SAMD3: variants seen among roughly 807,000 people sequenced by gnomAD.
SAMD3 encodes the protein sterile alpha motif domain-containing protein 3.
In SAMD3, 63 loss-of-function variants were observed where a neutral mutation model predicts 58.5. That is an observed-to-expected ratio of 1.08 (90% CI 0.88 to 1.33). SAMD3 has a LOEUF of 1.33. Ranked by LOEUF, SAMD3 falls within the 40% of genes most tolerant of loss-of-function variation. The pLI, the probability that SAMD3 is intolerant of heterozygous loss-of-function variation, is 0.00. For synonymous variants in SAMD3, 220 were observed against 210.3 expected (o/e 1.05, Z -0.40); for missense variants, 604 against 608.4 (o/e 0.99, Z 0.08).
At chr6:130,273,287 G>A (rs913440071) in intron 2 of SAMD3, among the ~76,000 whole-genome samples, 1 of 152,022 alleles carries the variant, frequency 6.6e-6, no homozygotes, top group Non-Finnish European at 1.5e-5. Context: ...AATAAGGTCT[G>A]TTTTGTTTGA....
At chr6:130,232,110 T>C (rs1179530973) in intron 2 of SAMD3, among the ~76,000 whole-genome samples, 1 of 152,128 alleles carries the variant, frequency 6.6e-6, no homozygotes, top group Non-Finnish European at 1.5e-5. Flanking sequence ...CCCAGGAACT[T>C]GTCAGTGTCC....
At chr6:130,315,857 A>C (rs1776345745) in intron 1 of SAMD3, among the ~76,000 whole-genome samples, 1 of 152,186 alleles carries the variant, frequency 6.6e-6, no homozygotes, top group South Asian at 2.1e-4. Flanking sequence ...AGCTCCCCAA[A>C]GTAGGATCCC....
chr6:130,310,446 C>T (rs1351518342), intron 2 of SAMD3, among the ~76,000 whole-genome samples: 4 of 152,086 alleles, frequency 2.6e-5, no homozygotes, highest in African/African-American at 9.7e-5. Context: ...TCTAAAAATA[C>T]TTTTTGGTTA....
intron 8 of SAMD3, among the ~76,000 whole-genome samples, chr6:130,155,929 T>C (rs1448158836): frequency 2.0e-5 from 3 of 152,160 alleles, no homozygotes; most frequent in Non-Finnish European, 4.4e-5. Flanking sequence ...CAAATTTAGT[T>C]GGAAGATAAA....
rs751234827 is a variant in SAMD3 at position 130,214,456 on chromosome 6, A to G, written c.150T>C (p.Ile50=). Residue 50 remains isoleucine, a synonymous_variant, in exon 4 of 12, where the codon ATT becomes ATC. Transcript: ENST00000439090. The stretch of plus-strand genomic sequence containing the variant: ...AATCCATCAGAACAGCCTGGTGCCC[A>G]ATTTTCTTTACCAGTTGCTGAACCA... ...DRMVQQLVKK[I]GHQAVLMDLI... The G allele has an allele frequency of 4.7e-5, 76 of 1,613,166 alleles. No homozygotes were observed. Among genetic ancestry groups the G allele is most frequent in the Non-Finnish European group, 6.2e-5 (73 of 1,179,632 alleles).
At chr6:130,266,574 C>T (rs773900371) in intron 2 of SAMD3, among the ~76,000 whole-genome samples, 4 of 151,642 alleles carry the variant, frequency 2.6e-5, no homozygotes, top group African/African-American at 7.3e-5. Context: ...TCAAACCATA[C>T]TAAAAAAAAT....
At chr6:130,222,506 T>C (rs980978866) in intron 1 of SAMD3, among the ~76,000 whole-genome samples, 188 bp downstream of exon 1, 1 of 152,176 alleles carries the variant, frequency 6.6e-6, no homozygotes, top group Non-Finnish European at 1.5e-5. Flanking sequence ...AAAAGTAGAA[T>C]GAAATGCTTG....
intron 2 of SAMD3, among the ~76,000 whole-genome samples, chr6:130,278,337 G>T (rs1774856832): frequency 6.6e-6 from 1 of 152,162 alleles, no homozygotes; most frequent in Non-Finnish European, 1.5e-5. Flanking sequence ...AGTCTGATTT[G>T]AGTAATAATA....
At chr6:130,362,655 G>T (rs1031185313) in intron 1 of SAMD3, among the ~76,000 whole-genome samples, 5 of 152,078 alleles carry the variant, frequency 3.3e-5, no homozygotes, top group Non-Finnish European at 5.9e-5. Context: ...ATCTAATCAG[G>T]TTTATTATCT....
Position 130,240,792 on chromosome 6 carries a change from A to G in SAMD3, c.-187-17979T>C, listed in dbSNP as rs59711354. On this transcript the variant is annotated intron_variant, in intron 2 of 13. Transcript: ENST00000368134. ...CCCTTCCACCATGTGAGGACTCAGA[A>G]AGAATGCCCACACCGGATGCCAGTT... Among the ~76,000 whole-genome samples, 1,365 of 152,282 alleles carry G rather than the reference A, an allele frequency of 9.0e-3. 18 individuals are homozygous for G. Among genetic ancestry groups the G allele is most frequent in the African/African-American group, 0.031 (1,279 of 41,550 alleles).
At chr6:130,238,883 C>T (rs1282715347) in intron 2 of SAMD3, among the ~76,000 whole-genome samples, 6 of 152,090 alleles carry the variant, frequency 3.9e-5, no homozygotes, top group African/African-American at 1.2e-4. Flanking sequence ...CTCAGCCTCC[C>T]GAGTAGCTGG....
intron 5 of SAMD3, among the ~76,000 whole-genome samples, chr6:130,190,991 A>G (rs12197003): frequency 0.26 from 39,103 of 151,620 alleles, 5,464 homozygotes; most frequent in East Asian, 0.44. Context: ...TTCAAATTTA[A>G]AAGTCCCATA....
chr6:130,209,669 G>C, intron 4 of SAMD3, 61 bp from the exon 5 acceptor site: 1 of 1,093,808 alleles, frequency 9.1e-7, no homozygotes, highest in Non-Finnish European at 1.4e-6. Flanking sequence ...TGATCTCACA[G>C]CAGCTCTGAA....
At chr6:130,262,932 T>C (rs1433680484) in intron 2 of SAMD3, among the ~76,000 whole-genome samples, 1 of 152,154 alleles carries the variant, frequency 6.6e-6, no homozygotes, top group Non-Finnish European at 1.5e-5. Flanking sequence ...AGGTTTTCCT[T>C]AAAACACAAA....
intron 5 of SAMD3, among the ~76,000 whole-genome samples, chr6:130,204,685 A>G (rs1794928682): frequency 1.3e-5 from 2 of 151,564 alleles, no homozygotes; most frequent in Non-Finnish European, 2.9e-5. Flanking sequence ...TGGACACCCA[A>G]TTCACCCACT....
chr6:130,274,495 G>A (rs750806365), intron 2 of SAMD3, among the ~76,000 whole-genome samples: 2 of 152,108 alleles, frequency 1.3e-5, no homozygotes, highest in Non-Finnish European at 2.9e-5. Flanking sequence ...GCTTAGGGTG[G>A]GCTGCTGTTT....
intron 5 of SAMD3, among the ~76,000 whole-genome samples, chr6:130,185,022 G>C (rs1792801387): frequency 1.3e-5 from 2 of 152,202 alleles, no homozygotes; most frequent in African/African-American, 4.8e-5. Flanking sequence ...CTTAGCACCT[G>C]TTAAGAAAAT....
chr6:130,259,961 C>T lies in SAMD3; in HGVS notation c.-187-37148G>A, dbSNP rs74631062. Among the ~76,000 whole-genome samples, 532 of 152,284 alleles carry T rather than the reference C, an allele frequency of 3.5e-3. 5 individuals carry two copies. The highest frequency in any genetic ancestry group is 0.012 in the African/African-American group (511 of 41,544). ...TATCACGTGTTTCAGGTATCTACCA[C>T]AGTCAAGATAAGAATAAGTACATCA... On this transcript the variant is annotated intron_variant, in intron 2 of 13. Coordinates refer to the SAMD3 transcript ENST00000368134.
intron 2 of SAMD3, among the ~76,000 whole-genome samples, chr6:130,297,265 A>G (rs1583066009): frequency 1.3e-5 from 2 of 152,204 alleles, no homozygotes; most frequent in East Asian, 3.8e-4. Context: ...GCTATCCACA[A>G]CCAATGAACC....
Sources: gnomAD v4.1 joint callset for allele counts (sites outside exome capture counted in the v4.1 genomes callset) on GRCh38, gnomAD v4.1.1 for gene constraint, MANE v1.5 for transcripts, NCBI Gene and HGNC (gene_info 2026-07-23, HGNC 2026-07-21) for gene names.